PKNOX2: variants seen among roughly 807,000 people sequenced by gnomAD.
PKNOX2 encodes PBX/knotted 1 homeobox 2, also known as homeobox protein PKNOX2.
A neutral mutation model predicts 53.1 loss-of-function variants in PKNOX2; 14 were observed. That is an observed-to-expected ratio of 0.26 (90% CI 0.17 to 0.41). The LOEUF (loss-of-function observed/expected upper bound fraction) is 0.41, where lower values mean the gene tolerates loss of function less well. Among genes scored for constraint, PKNOX2 ranks in the 10% least tolerant of loss-of-function variants. The pLI is 1.00. For missense variants in PKNOX2, 496 were observed against 602.8 expected (o/e 0.82, Z 1.85); for synonymous variants, 257 against 242.8 (o/e 1.06, Z -0.54).
At chr11:125,288,693 C>T (rs1446058488) in intron 2 of PKNOX2, among the ~76,000 whole-genome samples, 1 of 152,234 alleles carries the variant, frequency 6.6e-6, no homozygotes, top group Non-Finnish European at 1.5e-5. Flanking sequence ...ACCGCAGCGA[C>T]TCTGGCTTCT....
chr11:125,291,877 G>A (rs1166866239), intron 2 of PKNOX2, among the ~76,000 whole-genome samples: 1 of 152,186 alleles, frequency 6.6e-6, no homozygotes, highest in African/African-American at 2.4e-5. Flanking sequence ...TCATAGAGAA[G>A]AGAGTAGATT....
chr11:125,249,786 T>G (rs76207372), intron 2 of PKNOX2, among the ~76,000 whole-genome samples: 750 of 152,260 alleles, frequency 4.9e-3, no homozygotes, highest in Middle Eastern at 0.014. Flanking sequence ...TAAAAAATTT[T>G]GGGCTGCACG....
At chr11:125,411,937 C>G (rs1295675152) in intron 10 of PKNOX2, 72 bp downstream of exon 10, 2 of 1,597,800 alleles carry the variant, frequency 1.3e-6, no homozygotes, top group East Asian at 4.5e-5. Flanking sequence ...GGGTACCAGA[C>G]TCTGCTGTCG....
At chr11:125,336,745 CAT>C (rs1485763464) in intron 3 of PKNOX2, among the ~76,000 whole-genome samples, 1 of 145,972 alleles carries the variant, frequency 6.9e-6, no homozygotes, top group African/African-American at 2.5e-5. Context: ...CTGTATACTA[CAT>C]GATATATAAT....
At chr11:125,169,328 T>C (rs925652803) in intron 1 of PKNOX2, among the ~76,000 whole-genome samples, 2 of 152,194 alleles carry the variant, frequency 1.3e-5, no homozygotes, top group Non-Finnish European at 2.9e-5. Context: ...GACTGAATTA[T>C]ACTGAGAAGC....
At chr11:125,311,718 G>A (rs1288647815) in intron 2 of PKNOX2, among the ~76,000 whole-genome samples, 1 of 152,088 alleles carries the variant, frequency 6.6e-6, no homozygotes, top group Non-Finnish European at 1.5e-5. Context: ...ACGTAGCCTC[G>A]AACACTCATG....
chr11:125,322,459 C>T (rs1565496780), intron 2 of PKNOX2, among the ~76,000 whole-genome samples: 1 of 152,188 alleles, frequency 6.6e-6, no homozygotes, highest in Non-Finnish European at 1.5e-5. Flanking sequence ...CTCTCTTATG[C>T]AGACACAGTC....
At chr11:125,376,188 C>G (rs1257568039) in intron 5 of PKNOX2, among the ~76,000 whole-genome samples, 1 of 152,212 alleles carries the variant, frequency 6.6e-6, no homozygotes, top group Non-Finnish European at 1.5e-5. Context: ...GTCCACCCAC[C>G]TGGGGGAGGA....
chr11:125,374,250 C>T (rs777985187), intron 5 of PKNOX2, among the ~76,000 whole-genome samples: 5 of 152,084 alleles, frequency 3.3e-5, no homozygotes, highest in Non-Finnish European at 5.9e-5. Flanking sequence ...AGACATGCAG[C>T]CATTCCAAGC....
At chr11:125,327,132 G>C (rs895571528) in intron 2 of PKNOX2, among the ~76,000 whole-genome samples, 7 of 152,198 alleles carry the variant, frequency 4.6e-5, no homozygotes, top group African/African-American at 1.7e-4. Context: ...GAGTGGACAG[G>C]GGACAAGTCT....
chr11:125,383,943 A>AAAAC (rs374038174), intron 5 of PKNOX2, among the ~76,000 whole-genome samples: 1,560 of 152,180 alleles, frequency 0.01, 30 homozygotes, highest in African/African-American at 0.035. Flanking sequence ...AAAAAACAAA[A>AAAAC]AAAACAAAAC....
chr11:125,176,934 G>GA (rs1331521127), intron 1 of PKNOX2, among the ~76,000 whole-genome samples: 1 of 152,182 alleles, frequency 6.6e-6, no homozygotes, highest in Non-Finnish European at 1.5e-5. Flanking sequence ...GGGAGCTTTA[G>GA]AAAATGCAGG....
intron 2 of PKNOX2, among the ~76,000 whole-genome samples, chr11:125,285,975 A>C (rs974995604): frequency 1.3e-5 from 2 of 152,112 alleles, no homozygotes; most frequent in Admixed American, 6.5e-5. Context: ...GAAACTGGCC[A>C]TGGTGGGAAT....
At chr11:125,375,162 C>T (rs550143356) in intron 5 of PKNOX2, among the ~76,000 whole-genome samples, 1 of 152,320 alleles carries the variant, frequency 6.6e-6, no homozygotes, top group South Asian at 2.1e-4. Context: ...AAATCTTTAA[C>T]TTCTTTAGAT....
chr11:125,399,787 G>T (rs1271631632), intron 7 of PKNOX2, among the ~76,000 whole-genome samples: 1 of 152,148 alleles, frequency 6.6e-6, no homozygotes, highest in African/African-American at 2.4e-5. Flanking sequence ...TGGAGCTGGG[G>T]GTGCACCAGG....
rs572511400 is a variant in PKNOX2, at chr11:125,263,918, G to A, written c.-130+28803G>A. ...CCTGGAATGGCGTATAAGGGGGTGC[G>A]GGGAGGGGGCTTTTCCTGGCTTCCT... On this transcript the variant is annotated intron_variant, in intron 2 of 12. Transcript: ENST00000298282. 1.7e-4 allele frequency among the ~76,000 whole-genome samples: 26 copies of A among 152,290 alleles called. No homozygotes were observed. The South Asian group carries it at 5.2e-3, about 30-fold the overall frequency.
chr11:125,216,699 G>C (rs958160888), intron 1 of PKNOX2, among the ~76,000 whole-genome samples: 5 of 152,176 alleles, frequency 3.3e-5, no homozygotes, highest in African/African-American at 1.2e-4. Flanking sequence ...GGCCTGCCCA[G>C]GGAAGCCCAC....
rs377272401 is a variant in PKNOX2 at position 125,331,968 on chromosome 11, C to G, written c.-23+43C>G. The G allele has an allele frequency of 2.6e-5, 4 of 152,296 alleles. No individual in the cohort carries two copies. The South Asian group carries it at 8.3e-4, about 32-fold the overall frequency. 9.4% of individuals were successfully genotyped at this position (152,296 alleles called of 1,614,324 possible). A position where few individuals can be genotyped will look rare whatever the true frequency, so the allele number is the denominator to read the frequency against. On this transcript the variant is annotated intron_variant, in intron 3 of 12. Transcript: ENST00000298282. ...GTCGTTTAACATACAGTTACACCCC[C>G]CAAGCAGGATATCTTTTCTTCTGAA...
intron 10 of PKNOX2, among the ~76,000 whole-genome samples, chr11:125,424,587 G>A (rs912585126): frequency 2.6e-5 from 4 of 152,128 alleles, no homozygotes; most frequent in Non-Finnish European, 5.9e-5. Flanking sequence ...CTGGTGCAGC[G>A]CTGCTGATGG....
Sources: allele counts gnomAD v4.1 joint callset (sites outside exome capture counted in the v4.1 genomes callset), GRCh38; gene constraint gnomAD v4.1.1; transcripts MANE v1.5; gene names NCBI Gene and HGNC (gene_info 2026-07-23, HGNC 2026-07-21).